The following KALRN variants were observed in gnomAD, a reference collection of about 807,000 sequenced individuals.
KALRN encodes kalirin RhoGEF kinase, also known as kalirin.
Under a neutral mutation model 353.7 loss-of-function variants are expected in KALRN, and 70 were observed. The observed-to-expected ratio is 0.20, with a 90% CI of 0.16 to 0.24. The LOEUF (loss-of-function observed/expected upper bound fraction) is 0.24, where lower values mean the gene tolerates loss of function less well. Among genes scored for constraint, KALRN ranks in the 10% least tolerant of loss-of-function variants. KALRN has a pLI of 1.00. For synonymous variants in KALRN, 1,391 were observed against 1,434.8 expected (o/e 0.97, Z 0.69); for missense variants, 2,791 against 3,756.7 (o/e 0.74, Z 6.72).
intron 25 of KALRN, among the ~76,000 whole-genome samples, chr3:124,469,205 A>C (rs895887198): frequency 6.6e-6 from 1 of 152,260 alleles, no homozygotes; most frequent in Non-Finnish European, 1.5e-5. Context: ...TCAACAGGTA[A>C]CCATGCAGCA....
chr3:124,507,465 A>T (rs1302001061), intron 33 of KALRN, among the ~76,000 whole-genome samples: 1 of 152,250 alleles, frequency 6.6e-6, no homozygotes, highest in Non-Finnish European at 1.5e-5. Context: ...ACATGCCCAA[A>T]CAGAAAGTTC....
intron 18 of KALRN, among the ~76,000 whole-genome samples, chr3:124,441,335 A>C (rs926451992): frequency 6.6e-6 from 1 of 152,192 alleles, no homozygotes; most frequent in Non-Finnish European, 1.5e-5. Flanking sequence ...ACATAGAAGG[A>C]GACGAGAGGT....
At chr3:124,550,092 C>T (rs959851657) in intron 33 of KALRN, among the ~76,000 whole-genome samples, 6 of 152,268 alleles carry the variant, frequency 3.9e-5, no homozygotes, top group African/African-American at 1.4e-4. Flanking sequence ...AATGGAGAGG[C>T]AGGTGATGAA....
intron 10 of KALRN, among the ~76,000 whole-genome samples, chr3:124,369,073 G>A (rs2085458972): frequency 6.6e-6 from 1 of 152,146 alleles, no homozygotes; most frequent in African/African-American, 2.4e-5. Flanking sequence ...GAGGGAGAGG[G>A]AGAGGGAGAG....
chr3:124,566,910 G>A (rs1386616056), intron 34 of KALRN, among the ~76,000 whole-genome samples: 1 of 152,166 alleles, frequency 6.6e-6, no homozygotes, highest in African/African-American at 2.4e-5. Flanking sequence ...CTTAGCATTT[G>A]CAGAGAGCAC....
chr3:124,234,253 A>G (rs944946008), intron 2 of KALRN, among the ~76,000 whole-genome samples: 14 of 152,182 alleles, frequency 9.2e-5, no homozygotes, highest in African/African-American at 3.4e-4. Context: ...TCAGGCAGAC[A>G]GGCAGGGGTG....
chr3:124,108,297 C>A (rs1019590058), intron 1 of KALRN, among the ~76,000 whole-genome samples: 1 of 152,156 alleles, frequency 6.6e-6, no homozygotes, highest in Non-Finnish European at 1.5e-5. Context: ...TCTCACTACT[C>A]CAGCCACCAA....
intron 10 of KALRN, among the ~76,000 whole-genome samples, chr3:124,356,810 T>C (rs1482434272): frequency 2.0e-5 from 3 of 152,156 alleles, no homozygotes; most frequent in Non-Finnish European, 2.9e-5. Flanking sequence ...GTTCCTCAGA[T>C]CTTCTCTTCT....
chr3:124,602,231 G>A (rs2076882526), intron 34 of KALRN, among the ~76,000 whole-genome samples: 1 of 152,138 alleles, frequency 6.6e-6, no homozygotes, highest in African/African-American at 2.4e-5. Context: ...TCAGTAGGAA[G>A]GAAGAAGTCA....
chr3:124,294,166 T>C (rs1267258826), intron 5 of KALRN, among the ~76,000 whole-genome samples: 1 of 151,994 alleles, frequency 6.6e-6, no homozygotes, highest in East Asian at 1.9e-4. Context: ...ATTCAGGTTC[T>C]GAAGAGATTA....
intron 1 of KALRN, among the ~76,000 whole-genome samples, chr3:124,076,753 T>C (rs1577827562): frequency 6.6e-6 from 1 of 152,124 alleles, no homozygotes; most frequent in African/African-American, 2.4e-5. Flanking sequence ...GTAGGGGTGG[T>C]GGGGACTGTG....
intron 7 of KALRN, among the ~76,000 whole-genome samples, chr3:124,326,748 G>A (rs372268313): frequency 6.7e-4 from 102 of 152,304 alleles, no homozygotes; most frequent in South Asian, 4.4e-3. Context: ...ATGATGTGTT[G>A]GAGCCTGTCT....
intron 1 of KALRN, among the ~76,000 whole-genome samples, chr3:124,220,171 C>G (rs2077733967): frequency 6.6e-6 from 1 of 152,078 alleles, no homozygotes; most frequent in Non-Finnish European, 1.5e-5. Context: ...TCTCGAACAC[C>G]TGACCTCGTG....
chr3:124,691,451 A>T (rs1473251724), intron 51 of KALRN, among the ~76,000 whole-genome samples: 2 of 152,236 alleles, frequency 1.3e-5, no homozygotes, highest in Admixed American at 6.5e-5. Context: ...TAAATTAAAT[A>T]AAGAAAGCGA....
chr3:124,314,564 AG>A (rs1469307516), intron 6 of KALRN, among the ~76,000 whole-genome samples: 8 of 152,164 alleles, frequency 5.3e-5, no homozygotes, highest in Non-Finnish European at 2.9e-5. Flanking sequence ...ACAGTTCTAC[AG>A]GTCATACAAG....
At chr3:124,602,345 C>T (rs941381109) in intron 34 of KALRN, among the ~76,000 whole-genome samples, 7 of 152,082 alleles carry the variant, frequency 4.6e-5, no homozygotes, top group Non-Finnish European at 1.0e-4. Flanking sequence ...CTCTTATTGT[C>T]GGACCTACCC....
At chr3:124,274,394 A>G (rs2074478376) in intron 5 of KALRN, among the ~76,000 whole-genome samples, 1 of 152,254 alleles carries the variant, frequency 6.6e-6, no homozygotes, top group South Asian at 2.1e-4. Context: ...AGCTTCGAAG[A>G]GTTCCGGTGC....
intron 37 of KALRN, among the ~76,000 whole-genome samples, 194 bp from the exon 38 acceptor site, chr3:124,650,614 G>C (rs1347693935): frequency 2.0e-5 from 3 of 152,220 alleles, no homozygotes; most frequent in Non-Finnish European, 4.4e-5. Context: ...CTGGTTGCCT[G>C]AGAAGGTGGC....
chr3:124,139,004 A>G (rs955742192), intron 1 of KALRN, among the ~76,000 whole-genome samples: 4 of 152,174 alleles, frequency 2.6e-5, no homozygotes, highest in South Asian at 2.1e-4. Context: ...GCAAAGATAA[A>G]TGGTGCAAGA....
Sources: gnomAD v4.1 joint callset for allele counts (sites outside exome capture counted in the v4.1 genomes callset) on GRCh38, gnomAD v4.1.1 for gene constraint, MANE v1.5 for transcripts, NCBI Gene and HGNC (gene_info 2026-07-23, HGNC 2026-07-21) for gene names.